Variants in ARHGAP15 observed in about 807,000 individuals in gnomAD.
ARHGAP15 encodes Rho GTPase activating protein 15.
A neutral mutation model predicts 63.7 loss-of-function variants in ARHGAP15; 51 were observed. That is an observed-to-expected ratio of 0.80 (90% CI 0.64 to 1.01). The LOEUF (loss-of-function observed/expected upper bound fraction) is 1.01. Among genes scored for constraint, ARHGAP15 ranks in the 50% least tolerant of loss-of-function variants. The pLI is 0.00. For missense variants in ARHGAP15, 560 were observed against 564.6 expected, an observed-to-expected ratio of 0.99 and a Z score of 0.08; for synonymous variants, 191 against 193.8, an observed-to-expected ratio of 0.99 and a Z score of 0.12.
At chr2:143,320,007 T>C (rs1025761329) in intron 6 of ARHGAP15, among the ~76,000 whole-genome samples, 2 of 152,076 alleles carry the variant, frequency 1.3e-5, no homozygotes, top group African/African-American at 4.8e-5. Context: ...TCTACATTTT[T>C]TCAGAAAGGT....
intron 3 of ARHGAP15, among the ~76,000 whole-genome samples, chr2:143,205,453 G>C (rs1251636118): frequency 6.6e-6 from 1 of 152,206 alleles, no homozygotes; most frequent in Non-Finnish European, 1.5e-5. Context: ...ACTGTCTCCT[G>C]TGTTCATTAC....
intron 6 of ARHGAP15, among the ~76,000 whole-genome samples, chr2:143,303,567 A>G (rs888708373): frequency 6.6e-6 from 1 of 152,148 alleles, no homozygotes; most frequent in African/African-American, 2.4e-5. Flanking sequence ...CAAGGACTTC[A>G]TGTCTAAAAC....
intron 6 of ARHGAP15, among the ~76,000 whole-genome samples, chr2:143,304,256 A>G (rs62170420): frequency 0.024 from 3,663 of 152,278 alleles, 100 homozygotes; most frequent in Non-Finnish European, 0.03. Context: ...CATATACACC[A>G]TGGAATACTA....
chr2:143,508,912 G>A (rs1450272944), intron 9 of ARHGAP15, among the ~76,000 whole-genome samples: 3 of 152,204 alleles, frequency 2.0e-5, no homozygotes, highest in African/African-American at 7.2e-5. Flanking sequence ...AGGGTTGAGA[G>A]TGAAACTATG....
intron 6 of ARHGAP15, among the ~76,000 whole-genome samples, chr2:143,254,432 CTT>C (rs1183079204): frequency 2.0e-5 from 3 of 151,492 alleles, no homozygotes; most frequent in East Asian, 3.9e-4. Context: ...AAAAAAAACT[CTT>C]ATATCTTGTT....
chr2:143,767,236 A>C (rs1231270447), intron 13 of ARHGAP15, among the ~76,000 whole-genome samples: 3 of 152,046 alleles, frequency 2.0e-5, no homozygotes, highest in Admixed American at 6.6e-5. Context: ...ATGGGGCTTT[A>C]TTTTCTTTTT....
intron 8 of ARHGAP15, among the ~76,000 whole-genome samples, chr2:143,466,242 A>G (rs1241086900): frequency 6.6e-6 from 1 of 152,090 alleles, no homozygotes; most frequent in Admixed American, 6.6e-5. Flanking sequence ...ATTTGGGCCA[A>G]ACAATACAAT....
At chr2:143,650,418 T>G (rs1333540809) in intron 12 of ARHGAP15, among the ~76,000 whole-genome samples, 1 of 151,902 alleles carries the variant, frequency 6.6e-6, no homozygotes, top group Non-Finnish European at 1.5e-5. Context: ...ATGGGATTAT[T>G]GAATTAACTA....
chr2:143,694,512 GTAA>G (rs796265285), intron 12 of ARHGAP15, among the ~76,000 whole-genome samples: 80 of 152,172 alleles, frequency 5.3e-4, no homozygotes, highest in African/African-American at 1.8e-3. Context: ...ACTCTATGTG[GTAA>G]TAATATCTCA....
chr2:143,314,448 A>G (rs1424421814), intron 6 of ARHGAP15: 1 of 152,144 alleles, frequency 6.6e-6, no homozygotes, highest in Admixed American at 6.6e-5. Flanking sequence ...GATGATTGTC[A>G]CTCGATCTCT....
At chr2:143,426,731 G>C (rs1398024626) in intron 6 of ARHGAP15, among the ~76,000 whole-genome samples, 1 of 152,148 alleles carries the variant, frequency 6.6e-6, no homozygotes, top group Non-Finnish European at 1.5e-5. Context: ...AGATCACAGA[G>C]AATCTATGTT....
rs1558898110 is a variant in ARHGAP15 at position 143,330,134 on chromosome 2, AAAAAC to A, written c.474+79539_474+79543del. On this transcript the variant is annotated intron_variant, in intron 6 of 13. Coordinates refer to ENST00000295095, the MANE Select transcript of ARHGAP15 (RefSeq NM_018460.4). The stretch of plus-strand genomic sequence containing the variant: ...AAAAAAAAAAAAAAAAAAAAAAACC[AAAAAC>A]AAAAAACTAAACTAATGATTAATAA... 5.0e-3 allele frequency among the ~76,000 whole-genome samples: 152 copies of A among 30,116 alleles called. 11 individuals carry two copies. The highest frequency in any genetic ancestry group is 9.7e-3 in the South Asian group (8 of 828). 19.8% of individuals were successfully genotyped at this position (30,116 alleles called of 152,430 possible). A position where few individuals can be genotyped will look rare whatever the true frequency, so the allele number is the denominator to read the frequency against.
chr2:143,393,894 T>C (rs1405970524), intron 6 of ARHGAP15, among the ~76,000 whole-genome samples: 1 of 152,126 alleles, frequency 6.6e-6, no homozygotes, highest in Non-Finnish European at 1.5e-5. Context: ...ACTGAAAATA[T>C]CTACTCGGCA....
intron 1 of ARHGAP15, among the ~76,000 whole-genome samples, chr2:143,148,213 C>T (rs868579048): frequency 6.6e-6 from 1 of 151,980 alleles, no homozygotes; most frequent in Non-Finnish European, 1.5e-5. Flanking sequence ...GTTTATCATA[C>T]AGCATCCAGG....
At chr2:143,456,658 A>G (rs1558984021) in intron 8 of ARHGAP15, among the ~76,000 whole-genome samples, 1 of 152,160 alleles carries the variant, frequency 6.6e-6, no homozygotes, top group South Asian at 2.1e-4. Context: ...TTTACAGAGG[A>G]GGAAACACAG....
intron 5 of ARHGAP15, 92 bp from the exon 6 acceptor site, chr2:143,250,419 T>C: frequency 1.1e-6 from 1 of 945,674 alleles, no homozygotes; most frequent in Non-Finnish European, 1.6e-6. Flanking sequence ...ATCATAAATA[T>C]GTATAGCTGC....
chr2:143,694,841 C>T (rs1034220108), intron 12 of ARHGAP15, among the ~76,000 whole-genome samples: 2 of 152,132 alleles, frequency 1.3e-5, no homozygotes, highest in African/African-American at 4.8e-5. Flanking sequence ...TTTAATATGC[C>T]TTCTTCAAAA....
intron 5 of ARHGAP15, among the ~76,000 whole-genome samples, chr2:143,244,660 G>A (rs991897106): frequency 6.6e-6 from 1 of 152,090 alleles, no homozygotes; most frequent in African/African-American, 2.4e-5. Flanking sequence ...AAAGGAGCTC[G>A]TATACCTTAC....
intron 6 of ARHGAP15, among the ~76,000 whole-genome samples, chr2:143,433,135 C>T (rs1689462553): frequency 6.6e-6 from 1 of 151,924 alleles, no homozygotes; most frequent in Non-Finnish European, 1.5e-5. Flanking sequence ...GTTCAAAGTG[C>T]AAATATGATT....
Sources: gnomAD v4.1 joint callset for allele counts (sites outside exome capture counted in the v4.1 genomes callset) on GRCh38, gnomAD v4.1.1 for gene constraint, MANE v1.5 for transcripts, NCBI Gene and HGNC (gene_info 2026-07-23, HGNC 2026-07-21) for gene names.